The following CHRNA7 variants were observed in gnomAD, a reference collection of about 807,000 sequenced individuals.
CHRNA7 encodes the protein neuronal acetylcholine receptor subunit alpha-7.
CHRNA7 carries 17 observed loss-of-function variants against 48.0 expected under a neutral mutation model. That is an observed-to-expected ratio of 0.35 (90% CI 0.24 to 0.53). CHRNA7 has a LOEUF of 0.53. Ranked by LOEUF, CHRNA7 falls within the 20% of genes least tolerant of loss-of-function variation. CHRNA7 has a pLI of 0.92. For synonymous variants in CHRNA7, 75 were observed against 242.3 expected, an observed-to-expected ratio of 0.31 and a Z score of 6.41; for missense variants, 155 against 577.7, an observed-to-expected ratio of 0.27 and a Z score of 7.50.
At chr15:32,059,411 G>A (rs1243267127) in intron 2 of CHRNA7, among the ~76,000 whole-genome samples, 4 of 152,102 alleles carry the variant, frequency 2.6e-5, no homozygotes, top group African/African-American at 7.2e-5. Flanking sequence ...CATTTGATAT[G>A]TTTTACTCCA....
At chr15:32,103,132 G>GAT (rs1464849002) in intron 3 of CHRNA7, 2 of 152,198 alleles carry the variant, frequency 1.3e-5, no homozygotes, top group Non-Finnish European at 2.9e-5. Flanking sequence ...GGAGGCAAAG[G>GAT]ATAGTCCCAT....
chr15:32,102,595 ATAAAT>A (rs1299456694), intron 3 of CHRNA7: 1 of 152,244 alleles, frequency 6.6e-6, no homozygotes, highest in African/African-American at 2.4e-5. Flanking sequence ...TCAAGGTGAC[ATAAAT>A]TAAAATTTTT....
rs146204697 is a variant in CHRNA7, at chr15:32,152,997, C to T, written c.351-910C>T. ...GGACGGAGAGGGGCAGTGGTGCATC[C>T]GTCTAAAACTCGCACTTACTTCTGT... On this transcript the variant is annotated intron_variant, in intron 4 of 9. Transcript: ENST00000306901. 6.4e-3 allele frequency among the ~76,000 whole-genome samples: 975 copies of T among 152,158 alleles called. 13 individuals carry two copies. Among genetic ancestry groups the T allele is most frequent in the African/African-American group, 0.021 (886 of 41,492 alleles).
chr15:32,138,070 G>A (rs1233254178), intron 4 of CHRNA7, among the ~76,000 whole-genome samples: 1 of 151,936 alleles, frequency 6.6e-6, no homozygotes, highest in Non-Finnish European at 1.5e-5. Flanking sequence ...AAAAAAGAAG[G>A]AGGAATAAAG....
chr15:32,147,509 C>T (rs2051516064), intron 4 of CHRNA7, among the ~76,000 whole-genome samples: 1 of 152,170 alleles, frequency 6.6e-6, no homozygotes, highest in African/African-American at 2.4e-5. Context: ...GCCACGATCG[C>T]ACCACTGCAC....
At chr15:32,123,003 G>T (rs1239303165) in intron 4 of CHRNA7, among the ~76,000 whole-genome samples, 1 of 151,936 alleles carries the variant, frequency 6.6e-6, no homozygotes, top group Non-Finnish European at 1.5e-5. Flanking sequence ...GAACTTTCTG[G>T]GCAAAAATGA....
chr15:32,040,603 T>TG (rs2049431122), intron 2 of CHRNA7, among the ~76,000 whole-genome samples: 3 of 92,354 alleles, frequency 3.2e-5, no homozygotes, highest in Admixed American at 2.9e-4. Flanking sequence ...TGTATATGTG[T>TG]GTATGTGTGT....
At chr15:32,152,118 T>C (rs1238983270) in intron 4 of CHRNA7, among the ~76,000 whole-genome samples, 2 of 152,214 alleles carry the variant, frequency 1.3e-5, no homozygotes, top group Non-Finnish European at 2.9e-5. Flanking sequence ...GTGACTGTCC[T>C]GAAGGAAAGC....
intron 4 of CHRNA7, among the ~76,000 whole-genome samples, chr15:32,133,708 G>C (rs2051195562): frequency 6.6e-6 from 1 of 152,210 alleles, no homozygotes; most frequent in Non-Finnish European, 1.5e-5. Flanking sequence ...ATGAGGGAAG[G>C]GGTGCCTCCT....
intron 4 of CHRNA7, among the ~76,000 whole-genome samples, chr15:32,125,172 C>T (rs1184303315): frequency 2.7e-5 from 4 of 149,346 alleles, no homozygotes; most frequent in Non-Finnish European, 6.0e-5. Context: ...AAACTTTGAA[C>T]TAATAAAAGA....
At chr15:32,045,673 A>AT (rs1053469861) in intron 2 of CHRNA7, among the ~76,000 whole-genome samples, 13 of 150,174 alleles carry the variant, frequency 8.7e-5, no homozygotes, top group East Asian at 2.0e-4. Context: ...AGTAGCTGGT[A>AT]TTTTTTTTTA....
intron 4 of CHRNA7, among the ~76,000 whole-genome samples, chr15:32,144,580 A>T (rs565723857): frequency 6.6e-6 from 1 of 152,330 alleles, no homozygotes; most frequent in African/African-American, 2.4e-5. Flanking sequence ...GTCTTGTCAC[A>T]TAGTCCCATA....
At chr15:32,056,656 C>A (rs549356347) in intron 2 of CHRNA7, among the ~76,000 whole-genome samples, 2 of 152,282 alleles carry the variant, frequency 1.3e-5, no homozygotes, top group African/African-American at 4.8e-5. Flanking sequence ...GAAGCCCTAG[C>A]CCCTGGCCCC....
At chr15:32,080,672 G>C (rs923648691) in intron 2 of CHRNA7, among the ~76,000 whole-genome samples, 1 of 152,204 alleles carries the variant, frequency 6.6e-6, no homozygotes, top group Non-Finnish European at 1.5e-5. Context: ...TGGAGAAATA[G>C]GAATGCTTGT....
intron 2 of CHRNA7, among the ~76,000 whole-genome samples, chr15:32,034,118 T>C (rs1901973261): frequency 6.6e-6 from 1 of 152,198 alleles, no homozygotes; most frequent in Non-Finnish European, 1.5e-5. Flanking sequence ...TAAATATCTA[T>C]ACAAAGTGCT....
intron 2 of CHRNA7, 133 bp from the exon 3 acceptor site, chr15:32,101,170 G>C (rs2050563406): frequency 2.4e-6 from 2 of 835,388 alleles, no homozygotes; most frequent in Non-Finnish European, 3.8e-6. Context: ...GCATATATTG[G>C]AAGTGCTTGG....
chr15:32,094,673 T>C (rs1032291978), intron 2 of CHRNA7, among the ~76,000 whole-genome samples: 38 of 53,310 alleles, frequency 7.1e-4, no homozygotes, highest in Admixed American at 3.3e-3. Context: ...TTTCTTTTTT[T>C]TTTTTGAGAC....
intron 6 of CHRNA7, 110 bp from the exon 7 acceptor site, chr15:32,158,301 TA>T (rs2051792599): frequency 6.5e-5 from 40 of 619,936 alleles, no homozygotes; most frequent in Admixed American, 7.1e-5. Flanking sequence ...TTTTTTTTTT[TA>T]GCACTTTGCA....
rs937503227 is a variant in CHRNA7, at chr15:32,081,538, C to T, written c.196-19765C>T. Reference sequence around the variant, plus strand: ...ATAAATTATTCCAATGAGTAATACTCTATTGTTTGAATATTAGTCGTTTTT... The same window carrying T: ...ATAAATTATTCCAATGAGTAATACTTTATTGTTTGAATATTAGTCGTTTTT... On this transcript the variant is annotated intron_variant, in intron 2 of 9. Coordinates refer to ENST00000306901, the MANE Select transcript of CHRNA7 (RefSeq NM_000746.6). Among the ~76,000 whole-genome samples, 38 of 151,988 alleles carry T rather than the reference C, an allele frequency of 2.5e-4. 1 individual carries two copies. Among genetic ancestry groups the T allele is most frequent in the Middle Eastern group, 3.4e-3 (1 of 290 alleles).
Sources: allele counts gnomAD v4.1 joint callset (sites outside exome capture counted in the v4.1 genomes callset), GRCh38; gene constraint gnomAD v4.1.1; transcripts MANE v1.5; gene names NCBI Gene and HGNC (gene_info 2026-07-23, HGNC 2026-07-21).